The following SHISA9 variants were observed in gnomAD, a reference collection of about 807,000 sequenced individuals.
SHISA9 encodes shisa family member 9.
SHISA9 carries 13 observed loss-of-function variants against 38.0 expected under a neutral mutation model. The ratio of observed to expected loss-of-function variants is 0.34; its 90% CI spans 0.22 to 0.54. The LOEUF is 0.54. SHISA9 is among the 20% of genes least tolerant of loss of function. The pLI is 0.91. For synonymous variants in SHISA9, 275 were observed against 242.0 expected, an observed-to-expected ratio of 1.14 and a Z score of -1.27; for missense variants, 538 against 575.8, an observed-to-expected ratio of 0.93 and a Z score of 0.67.
intron 2 of SHISA9, among the ~76,000 whole-genome samples, chr16:12,965,477 G>T (rs760064500): frequency 7.2e-5 from 11 of 152,160 alleles, no homozygotes; most frequent in Non-Finnish European, 1.5e-4. Context: ...TATCGTGTGG[G>T]AGGCACTCTA....
At chr16:12,999,586 A>G (rs188909198) in intron 2 of SHISA9, among the ~76,000 whole-genome samples, 9 of 152,356 alleles carry the variant, frequency 5.9e-5, no homozygotes, top group Admixed American at 3.3e-4. Context: ...ATTGAAAAGA[A>G]CATAGTGATT....
Position 13,169,782 on chromosome 16 carries a change from G to A in SHISA9, c.692-33612G>A, listed in dbSNP as rs530283416. Among the ~76,000 whole-genome samples, 393 of 152,326 alleles carry A rather than the reference G, an allele frequency of 2.6e-3. 2 individuals carry two copies. Among genetic ancestry groups the A allele is most frequent in the African/African-American group, 8.9e-3 (372 of 41,574 alleles). On this transcript the variant is annotated intron_variant, in intron 2 of 4. Coordinates refer to ENST00000558583, the MANE Select transcript of SHISA9 (RefSeq NM_001145204.3). ...ACATATGATTGCTATGGGTGGAAAT[G>A]TATGCTCTGTGTCCCAGCTTCGGAT...
At chr16:13,181,974 C>CA (rs1332116606) in intron 2 of SHISA9, among the ~76,000 whole-genome samples, 2 of 152,096 alleles carry the variant, frequency 1.3e-5, no homozygotes, top group Non-Finnish European at 2.9e-5. Context: ...AAGTATGGTG[C>CA]AAAACAGCCA....
the SHISA9 span, among the ~76,000 whole-genome samples, chr16:13,476,691 T>C: frequency 6.6e-6 from 1 of 151,556 alleles, no homozygotes; most frequent in Non-Finnish European, 1.5e-5. Flanking sequence ...GCCCCTCTTG[T>C]TCTTTGACTG....
At chr16:13,086,887 A>T (rs1007451584) in intron 2 of SHISA9, among the ~76,000 whole-genome samples, 16 of 152,066 alleles carry the variant, frequency 1.1e-4, no homozygotes, top group Non-Finnish European at 1.9e-4. Flanking sequence ...TCTAGGGCAC[A>T]TGTGCCATGT....
chr16:13,270,901 C>T, the SHISA9 span, among the ~76,000 whole-genome samples: 1 of 152,130 alleles, frequency 6.6e-6, no homozygotes, highest in African/African-American at 2.4e-5. Flanking sequence ...ATAAGTCTCC[C>T]TTTAAGAAGA....
At chr16:13,150,950 C>A (rs142775242) in intron 2 of SHISA9, among the ~76,000 whole-genome samples, 20 of 152,252 alleles carry the variant, frequency 1.3e-4, no homozygotes, top group East Asian at 5.8e-4. Context: ...TCCCAAACAC[C>A]ATCTCAATTT....
the SHISA9 span, among the ~76,000 whole-genome samples, chr16:13,407,088 AAAAAAAAAAG>A: frequency 6.6e-6 from 1 of 150,762 alleles, no homozygotes; most frequent in Admixed American, 6.6e-5. Context: ...AAAAAAAAAA[AAAAAAAAAAG>A]ACCATGACTT....
At chr16:13,063,225 C>G (rs143905643) in intron 2 of SHISA9, among the ~76,000 whole-genome samples, 24 of 152,198 alleles carry the variant, frequency 1.6e-4, no homozygotes, top group African/African-American at 5.5e-4. Context: ...CCAGGATGGT[C>G]TTGATCTCCT....
chr16:13,181,290 TATATATATATATATATATATATACACAC>T (rs2050775927), intron 2 of SHISA9, among the ~76,000 whole-genome samples: 23 of 43,540 alleles, frequency 5.3e-4, no homozygotes, highest in African/African-American at 3.7e-3. Flanking sequence ...TATATATATA[TATATATATATATATATATATATACACAC>T]ACACACACAC....
chr16:13,035,080 C>T (rs934634367), intron 2 of SHISA9, among the ~76,000 whole-genome samples: 1 of 152,052 alleles, frequency 6.6e-6, no homozygotes, highest in Non-Finnish European at 1.5e-5. Flanking sequence ...AAAATCTTTG[C>T]CCACTTAAAT....
chr16:13,454,479 G>A, the SHISA9 span, among the ~76,000 whole-genome samples: 1 of 152,164 alleles, frequency 6.6e-6, no homozygotes, highest in Admixed American at 6.6e-5. Flanking sequence ...CTACATGCCA[G>A]GAATTGTGCA....
intron 2 of SHISA9, among the ~76,000 whole-genome samples, chr16:13,038,969 T>A (rs2073104121): frequency 6.6e-6 from 1 of 152,190 alleles, no homozygotes; most frequent in African/African-American, 2.4e-5. Flanking sequence ...AGTGCAGTGG[T>A]GAAATCTCTG....
At chr16:13,357,791 G>A in the SHISA9 span, among the ~76,000 whole-genome samples, 1 of 151,538 alleles carries the variant, frequency 6.6e-6, no homozygotes. Context: ...AAGGTGCTCA[G>A]TGGGCAGGAG....
In SHISA9 at chr16:13,235,659, A is replaced by G. The variant is rs2051376665; in HGVS notation, c.*250A>G. The G allele has an allele frequency of 2.1e-6, 1 of 482,556 alleles. No individual in the cohort carries two copies. The highest frequency in any genetic ancestry group is 3.6e-6 in the Non-Finnish European group (1 of 277,536). 29.9% of individuals were successfully genotyped at this position (482,556 alleles called of 1,614,324 possible). A position where few individuals can be genotyped will look rare whatever the true frequency, so the allele number is the denominator to read the frequency against. On this transcript the variant is annotated 3_prime_UTR_variant, in exon 5 of 5. Coordinates refer to ENST00000558583, the MANE Select transcript of SHISA9 (RefSeq NM_001145204.3). ...AATACAGCAAAGGGGAAAATGAGGC[A>G]CACTCTTTCCACTTCAGGCCCAAGA...
At chr16:13,045,707 C>T (rs1360451049) in intron 2 of SHISA9, among the ~76,000 whole-genome samples, 1 of 152,010 alleles carries the variant, frequency 6.6e-6, no homozygotes, top group Admixed American at 6.6e-5. Context: ...GAAAATAAAG[C>T]TGGATCATGG....
chr16:13,475,743 TC>T, the SHISA9 span, among the ~76,000 whole-genome samples: 9 of 152,172 alleles, frequency 5.9e-5, no homozygotes, highest in Non-Finnish European at 1.3e-4. Flanking sequence ...CAATGTAGAA[TC>T]AGTGAGAGTC....
chr16:13,392,956 G>C, the SHISA9 span, among the ~76,000 whole-genome samples: 1 of 152,212 alleles, frequency 6.6e-6, no homozygotes. Flanking sequence ...GATGATAAAT[G>C]TCTGGCTTTT....
chr16:13,250,792 G>C, the SHISA9 span, among the ~76,000 whole-genome samples: 1 of 152,142 alleles, frequency 6.6e-6, no homozygotes, highest in Non-Finnish European at 1.5e-5. Context: ...CCATTTTACT[G>C]TGAAGTCCAT....
Sources: gnomAD v4.1 joint callset for allele counts (sites outside exome capture counted in the v4.1 genomes callset) on GRCh38, gnomAD v4.1.1 for gene constraint, MANE v1.5 for transcripts, NCBI Gene and HGNC (gene_info 2026-07-23, HGNC 2026-07-21) for gene names.